Variants in TPRG1 observed in about 807,000 individuals in gnomAD.
The protein encoded by TPRG1 is tumor protein p63 regulated 1.
TPRG1 carries 29 observed loss-of-function variants against 29.3 expected under a neutral mutation model. The observed-to-expected ratio is 0.99, with a 90% confidence interval of 0.74 to 1.35. TPRG1 has a LOEUF of 1.35. TPRG1 is among the 40% of genes most tolerant of loss of function. The probability of loss-of-function intolerance (pLI) is 0.00; values close to 1 mark genes in which losing one functional copy is unlikely to be tolerated. For synonymous variants in TPRG1, 130 were observed against 116.8 expected, an observed-to-expected ratio of 1.11 and a Z score of -0.73; for missense variants, 327 against 335.0, an observed-to-expected ratio of 0.98 and a Z score of 0.19.
At chr3:189,130,328 A>G (rs1722965869) in intron 2 of TPRG1, among the ~76,000 whole-genome samples, 2 of 152,214 alleles carry the variant, frequency 1.3e-5, no homozygotes, top group African/African-American at 2.4e-5. Context: ...GGGAGAGATT[A>G]TGAGGCTTCA....
chr3:189,031,134 A>T (rs1266586538), intron 4 of TPRG1, among the ~76,000 whole-genome samples: 1 of 151,940 alleles, frequency 6.6e-6, no homozygotes, highest in Non-Finnish European at 1.5e-5. Flanking sequence ...TACAACAACA[A>T]CAAAAAATTA....
At position 189,024,904 on chromosome 3, in the gene TPRG1, C is replaced by T. The variant is rs368844840; in HGVS notation, c.-463+958C>T. ...TGGCTGAGTTGTCCAAATGACAGAG[C>T]CCCCAGGGGCTTCGTCCCATCTCAG... is the stretch of plus-strand genomic sequence containing the variant. On this transcript the variant is annotated intron_variant, in intron 4 of 10. Transcript: ENST00000433971. Among the ~76,000 whole-genome samples, 359 of 152,326 alleles carry T rather than the reference C, an allele frequency of 2.4e-3. 1 individual carries two copies. The highest frequency in any genetic ancestry group is 8.0e-3 in the African/African-American group (331 of 41,572).
At chr3:189,211,666 G>A (rs1735280637) in intron 2 of TPRG1, 1 of 152,154 alleles carries the variant, frequency 6.6e-6, no homozygotes, top group African/African-American at 2.4e-5. Flanking sequence ...GGGTCTTGAA[G>A]AATATTGAAT....
At chr3:189,070,882 T>C (rs1160812801) in intron 4 of TPRG1, among the ~76,000 whole-genome samples, 2 of 152,006 alleles carry the variant, frequency 1.3e-5, no homozygotes, top group African/African-American at 2.4e-5. Context: ...TAAACTGGCC[T>C]TTGACAGTCC....
rs566823458 is a variant in TPRG1 at position 189,152,929 on chromosome 3, C to A, written c.-10+2057C>A. Among the ~76,000 whole-genome samples, 30 of 152,264 alleles carry A rather than the reference C, an allele frequency of 2.0e-4. No homozygotes were observed. The East Asian group carries it at 4.8e-3, about 24-fold the overall frequency. On this transcript the variant is annotated intron_variant, in intron 5 of 6. Coordinates refer to the TPRG1 transcript ENST00000412373. ...TTATTATTAAAAAGTAGGATTGCTA[C>A]CCGCCATTATTATTAAAAAGTAGGA...
At chr3:189,300,516 GT>G (rs1246097246) in intron 4 of TPRG1, among the ~76,000 whole-genome samples, 5 of 152,160 alleles carry the variant, frequency 3.3e-5, no homozygotes, top group African/African-American at 1.2e-4. Flanking sequence ...TTTCAATCCT[GT>G]TATATGCTTC....
intron 4 of TPRG1, among the ~76,000 whole-genome samples, chr3:189,088,130 C>T (rs1365204997): frequency 3.9e-5 from 6 of 152,168 alleles, no homozygotes; most frequent in Admixed American, 1.3e-4. Context: ...TCTTCCTATC[C>T]ATGAGCATCG....
intron 4 of TPRG1, among the ~76,000 whole-genome samples, chr3:189,283,142 C>G (rs372113782): frequency 5.9e-5 from 9 of 152,226 alleles, no homozygotes; most frequent in South Asian, 2.1e-4. Flanking sequence ...ATTTAAATTA[C>G]CAGAGAGTTT....
At chr3:189,028,216 C>A (rs945516311) in intron 4 of TPRG1, among the ~76,000 whole-genome samples, 1 of 152,184 alleles carries the variant, frequency 6.6e-6, no homozygotes, top group Non-Finnish European at 1.5e-5. Flanking sequence ...TCCAGTCAAT[C>A]ATATTGTCAG....
chr3:189,239,559 C>G (rs143117603), intron 4 of TPRG1, among the ~76,000 whole-genome samples: 1 of 152,058 alleles, frequency 6.6e-6, no homozygotes, highest in Non-Finnish European at 1.5e-5. Flanking sequence ...TTGTGTGTCA[C>G]GTAATCAGAG....
chr3:189,194,707 G>A (rs1279788943), intron 1 of TPRG1, among the ~76,000 whole-genome samples: 1 of 152,136 alleles, frequency 6.6e-6, no homozygotes, highest in African/African-American at 2.4e-5. Context: ...TGCCAACAGG[G>A]CTCAGTGGCA....
intron 3 of TPRG1, among the ~76,000 whole-genome samples, chr3:189,021,371 G>T (rs960011898): frequency 6.6e-6 from 1 of 151,898 alleles, no homozygotes; most frequent in Admixed American, 6.6e-5. Context: ...GGCTGGTACC[G>T]GTTGTTCGTT....
At position 189,295,989 on chromosome 3, in the gene TPRG1, G is replaced by A. The variant is rs146323826; in HGVS notation, c.480-14397G>A. Among the ~76,000 whole-genome samples, 21 of 149,728 alleles carry A rather than the reference G, an allele frequency of 1.4e-4. No individual in the cohort carries two copies. The East Asian group carries it at 3.9e-3, about 28-fold the overall frequency. On this transcript the variant is annotated intron_variant, in intron 4 of 5. Transcript: ENST00000345063. ...ATAGGAGTTTGCGTTTTTGTTTCTT[G>A]GTTTGTTGACCCGTTTGGGGCTTTA...
chr3:189,316,416 C>T (rs1240633666), intron 5 of TPRG1, among the ~76,000 whole-genome samples: 1 of 152,180 alleles, frequency 6.6e-6, no homozygotes, highest in Non-Finnish European at 1.5e-5. Flanking sequence ...CTTCCATACA[C>T]AGGGAGGCTG....
chr3:189,095,247 G>A (rs1188230141), upstream of TPRG1, among the ~76,000 whole-genome samples: 1 of 152,182 alleles, frequency 6.6e-6, no homozygotes, highest in Middle Eastern at 3.2e-3. Flanking sequence ...GCTAGAGGCA[G>A]ATTTGGGTAA....
chr3:189,024,999 A>T (rs1468314503), intron 4 of TPRG1, among the ~76,000 whole-genome samples: 2 of 152,216 alleles, frequency 1.3e-5, no homozygotes, highest in Non-Finnish European at 2.9e-5. Flanking sequence ...GGGAGGTGCT[A>T]TGGAAGTGGG....
At chr3:189,277,578 C>CAT (rs74525758) in intron 4 of TPRG1, among the ~76,000 whole-genome samples, 32,162 of 152,002 alleles carry the variant, frequency 0.21, 4,504 homozygotes, top group African/African-American at 0.41. Flanking sequence ...GCAGTGAACA[C>CAT]GTTTGGACAG....
At chr3:189,310,182 G>T in intron 4 of TPRG1, 1 of 362,346 alleles carries the variant, frequency 2.8e-6, no homozygotes, top group Non-Finnish European at 5.0e-6. Context: ...TTCCAAGTAG[G>T]TGTTTCCCAT....
intron 3 of TPRG1, chr3:189,218,124 T>G (rs1418810127): frequency 9.3e-6 from 8 of 857,228 alleles, no homozygotes; most frequent in Non-Finnish European, 1.1e-5. Flanking sequence ...TTCTCTCTTT[T>G]TTTTTTGAGA....
Sources: allele counts gnomAD v4.1 joint callset (sites outside exome capture counted in the v4.1 genomes callset), GRCh38; gene constraint gnomAD v4.1.1; transcripts MANE v1.5; gene names NCBI Gene and HGNC (gene_info 2026-07-23, HGNC 2026-07-21).